ADAMTSL1: variants seen among roughly 807,000 people sequenced by gnomAD.
ADAMTSL1 encodes the protein ADAMTS like 1.
A neutral mutation model predicts 201.8 loss-of-function variants in ADAMTSL1; 126 were observed. The observed-to-expected ratio is 0.62, with a 90% CI of 0.54 to 0.72. The LOEUF (loss-of-function observed/expected upper bound fraction) is 0.72, where lower values mean the gene tolerates loss of function less well. Ranked by LOEUF, ADAMTSL1 falls within the 30% of genes least tolerant of loss-of-function variation. ADAMTSL1 has a pLI of 0.00. For missense variants in ADAMTSL1, 2,679 were observed against 2,277.8 expected (o/e 1.18, Z -3.59); for synonymous variants, 1,121 against 903.4 (o/e 1.24, Z -4.32).
chr9:18,887,937 G>T lies in ADAMTSL1; in HGVS notation c.4356G>T (p.Gln1452His). The T allele has an allele frequency of 6.2e-7, 1 of 1,613,988 alleles. No individual in the cohort carries two copies. The change falls in exon 24 of 29, where the codon CAG becomes CAT. Residue 1452 changes from glutamine to histidine, a missense_variant. By Grantham distance (24) the Gln-to-His change is conservative. Coordinates refer to ENST00000380548, the MANE Select transcript of ADAMTSL1 (RefSeq NM_001040272.6). ...GLTHHILAAG[Q>H]ILQVANLSGG... ...CGCATCACATCTTGGCAGCTGGACA[G>T]ATCCTTCAAGTTGCAAACCTTAGCG...
Position 18,257,984 on chromosome 9 carries a change from T to C in ADAMTSL1, c.207+94003T>C, listed in dbSNP as rs2132520815. Among the ~76,000 whole-genome samples the C allele has an allele frequency of 2.0e-5, 3 of 152,334 alleles. No individual in the cohort carries two copies. The East Asian group carries it at 5.8e-4, about 29-fold the overall frequency. On this transcript the variant is annotated intron_variant, in intron 2 of 29. Coordinates refer to the ADAMTSL1 transcript ENST00000680146. ...GAAGGAGGGAAAAAGGAGTTATTGTTTCCTGGGTACAGAATTTCTGTTTGG... is the reference window on the plus strand; with the variant it reads ...GAAGGAGGGAAAAAGGAGTTATTGTCTCCTGGGTACAGAATTTCTGTTTGG...
At chr9:17,948,362 G>A (rs1827595811) in intron 1 of ADAMTSL1, among the ~76,000 whole-genome samples, 1 of 152,146 alleles carries the variant, frequency 6.6e-6, no homozygotes, top group African/African-American at 2.4e-5. Context: ...CATTGCTCCA[G>A]TTGACTGGTG....
chr9:18,192,760 A>C (rs1451899796), intron 2 of ADAMTSL1, among the ~76,000 whole-genome samples: 1 of 152,154 alleles, frequency 6.6e-6, no homozygotes, highest in Non-Finnish European at 1.5e-5. Flanking sequence ...AAAACCAAAA[A>C]TATACAATGC....
At chr9:18,215,334 A>G (rs1055542873) in intron 2 of ADAMTSL1, among the ~76,000 whole-genome samples, 25 of 152,212 alleles carry the variant, frequency 1.6e-4, no homozygotes, top group Admixed American at 5.2e-4. Flanking sequence ...CTAATTTAGC[A>G]TTACTGTCAA....
chr9:18,173,415 G>C (rs1162967047), intron 2 of ADAMTSL1, among the ~76,000 whole-genome samples: 2 of 152,078 alleles, frequency 1.3e-5, no homozygotes, highest in African/African-American at 2.4e-5. Flanking sequence ...ATGTCAGGAT[G>C]ATGAATCTCA....
intron 1 of ADAMTSL1, among the ~76,000 whole-genome samples, chr9:17,982,029 A>C (rs1042488962): frequency 3.9e-5 from 6 of 152,170 alleles, no homozygotes; most frequent in Non-Finnish European, 7.3e-5. Context: ...TGCACTTAAA[A>C]AGGGAGAAGG....
chr9:18,268,718 C>T (rs957173621), intron 2 of ADAMTSL1, among the ~76,000 whole-genome samples: 5 of 152,104 alleles, frequency 3.3e-5, no homozygotes, highest in Non-Finnish European at 7.4e-5. Flanking sequence ...TCAGTGTGGA[C>T]TTTAAAAGAA....
At chr9:18,019,800 T>C (rs1257890809) in intron 1 of ADAMTSL1, among the ~76,000 whole-genome samples, 1 of 152,088 alleles carries the variant, frequency 6.6e-6, no homozygotes, top group Non-Finnish European at 1.5e-5. Flanking sequence ...AACTGTTCAG[T>C]TACCTTTCAT....
At chr9:18,904,391 C>G (rs1036045513) in intron 26 of ADAMTSL1, among the ~76,000 whole-genome samples, 2 of 151,966 alleles carry the variant, frequency 1.3e-5, no homozygotes, top group Non-Finnish European at 2.9e-5. Flanking sequence ...ATCACTTGTA[C>G]CTGAGAGGCA....
intron 2 of ADAMTSL1, among the ~76,000 whole-genome samples, chr9:18,366,627 ATTTTTTTTTTTTTTTTTTTTTTT>A (rs772034324): frequency 2.0e-4 from 23 of 112,798 alleles, no homozygotes; most frequent in African/African-American, 7.2e-4. Flanking sequence ...GAAATCACTA[ATTTTTTTTTTTTTTTTTTTTTTT>A]TTTTTTTTTT....
At chr9:18,313,370 G>A (rs1397134963) in intron 2 of ADAMTSL1, among the ~76,000 whole-genome samples, 1 of 152,114 alleles carries the variant, frequency 6.6e-6, no homozygotes, top group East Asian at 1.9e-4. Flanking sequence ...CTCACCCCAG[G>A]TGAGTTACAT....
chr9:18,758,654 A>G (rs963941193), intron 16 of ADAMTSL1, among the ~76,000 whole-genome samples: 2 of 152,080 alleles, frequency 1.3e-5, no homozygotes, highest in African/African-American at 4.8e-5. Flanking sequence ...TCCCTCTTCT[A>G]AGGACCACTG....
chr9:18,399,564 TG>T (rs1367123731), intron 2 of ADAMTSL1, among the ~76,000 whole-genome samples: 1 of 151,492 alleles, frequency 6.6e-6, no homozygotes, highest in Non-Finnish European at 1.5e-5. Flanking sequence ...TGAACCAGGC[TG>T]GTCTCGAACT....
intron 1 of ADAMTSL1, among the ~76,000 whole-genome samples, chr9:17,980,835 T>C (rs1029243065): frequency 2.6e-5 from 4 of 152,170 alleles, no homozygotes; most frequent in African/African-American, 4.8e-5. Flanking sequence ...GTAATCTTCT[T>C]ATACAGACAT....
At chr9:18,259,338 G>T (rs976498243) in intron 2 of ADAMTSL1, among the ~76,000 whole-genome samples, 1 of 151,850 alleles carries the variant, frequency 6.6e-6, no homozygotes, top group Non-Finnish European at 1.5e-5. Context: ...CAGCCTGGGC[G>T]ACACGGTGAA....
At chr9:18,315,862 T>C (rs1834370085) in intron 2 of ADAMTSL1, among the ~76,000 whole-genome samples, 1 of 152,184 alleles carries the variant, frequency 6.6e-6, no homozygotes, top group Non-Finnish European at 1.5e-5. Flanking sequence ...GAGCGAGGGC[T>C]GCTAGCATGT....
At chr9:18,129,903 G>A (rs1443914560) in intron 1 of ADAMTSL1, among the ~76,000 whole-genome samples, 1 of 152,156 alleles carries the variant, frequency 6.6e-6, no homozygotes, top group South Asian at 2.1e-4. Context: ...GGAAAGGAAA[G>A]CTTAACTGAG....
intron 2 of ADAMTSL1, among the ~76,000 whole-genome samples, chr9:18,444,841 A>G (rs1238409910): frequency 6.6e-6 from 1 of 152,128 alleles, no homozygotes; most frequent in Non-Finnish European, 1.5e-5. Flanking sequence ...ATGTCTATGT[A>G]TCTTACCAAG....
chr9:18,153,964 A>C (rs1827035085), intron 1 of ADAMTSL1, among the ~76,000 whole-genome samples: 1 of 152,064 alleles, frequency 6.6e-6, no homozygotes, highest in African/African-American at 2.4e-5. Context: ...CATACAGGGA[A>C]ATTCTGGCAG....
Sources: gnomAD v4.1 joint callset for allele counts (sites outside exome capture counted in the v4.1 genomes callset) on GRCh38, gnomAD v4.1.1 for gene constraint, MANE v1.5 for transcripts, NCBI Gene and HGNC (gene_info 2026-07-23, HGNC 2026-07-21) for gene names.